The following ASTN2 variants were observed in gnomAD, a reference collection of about 807,000 sequenced individuals.
ASTN2 encodes the protein astrotactin 2, also known as astrotactin-2.
ASTN2 carries 54 observed loss-of-function variants against 139.8 expected under a neutral mutation model. That is an observed-to-expected ratio of 0.39 (90% confidence interval 0.31 to 0.48). The LOEUF is 0.48. Among genes scored for constraint, ASTN2 ranks in the 20% least tolerant of loss-of-function variants. The pLI, the probability that ASTN2 is intolerant of heterozygous loss-of-function variation, is 0.95. For synonymous variants in ASTN2, 756 were observed against 719.5 expected, an observed-to-expected ratio of 1.05 and a Z score of -0.81; for missense variants, 1,565 against 1,725.1, an observed-to-expected ratio of 0.91 and a Z score of 1.64.
At chr9:117,259,768 T>C (rs900552316) in intron 2 of ASTN2, among the ~76,000 whole-genome samples, 1 of 152,184 alleles carries the variant, frequency 6.6e-6, no homozygotes, top group African/African-American at 2.4e-5. Context: ...AAGCAAACTG[T>C]ACCCTGACCA....
chr9:117,045,490 A>T (rs1838707802), intron 5 of ASTN2, among the ~76,000 whole-genome samples: 1 of 151,986 alleles, frequency 6.6e-6, no homozygotes, highest in African/African-American at 2.4e-5. Flanking sequence ...TTTTCCTTCC[A>T]TTTTCCCTCC....
chr9:116,801,679 G>A (rs1830863429), intron 13 of ASTN2, among the ~76,000 whole-genome samples: 1 of 151,730 alleles, frequency 6.6e-6, no homozygotes, highest in African/African-American at 2.4e-5. Flanking sequence ...CATCAGAAGT[G>A]GCTTGCCTTT....
At chr9:116,830,225 G>GAAAA (rs1831765852) in intron 11 of ASTN2, among the ~76,000 whole-genome samples, 1 of 152,002 alleles carries the variant, frequency 6.6e-6, no homozygotes, top group South Asian at 2.1e-4. Flanking sequence ...ACAAACATAT[G>GAAAA]AAAAAATGTT....
chr9:117,348,979 G>A (rs1378576450), intron 1 of ASTN2, among the ~76,000 whole-genome samples: 2 of 152,114 alleles, frequency 1.3e-5, no homozygotes, highest in Non-Finnish European at 2.9e-5. Flanking sequence ...GGAAAAGGTG[G>A]AGGAAAGTCA....
At chr9:117,315,354 C>G (rs1411260576) in intron 1 of ASTN2, among the ~76,000 whole-genome samples, 1 of 152,196 alleles carries the variant, frequency 6.6e-6, no homozygotes, top group Non-Finnish European at 1.5e-5. Context: ...GCACTGCCTG[C>G]GCACTCAGCT....
At chr9:116,573,325 C>T (rs1853598797) in intron 19 of ASTN2, among the ~76,000 whole-genome samples, 1 of 152,092 alleles carries the variant, frequency 6.6e-6, no homozygotes, top group Admixed American at 6.5e-5. Context: ...ACATTACCTC[C>T]CATGAGACAT....
chr9:116,586,875 ATAATGAGATCT>A (rs1171439122), intron 19 of ASTN2, among the ~76,000 whole-genome samples: 5 of 111,004 alleles, frequency 4.5e-5, no homozygotes, highest in East Asian at 5.3e-4. Context: ...TGTATATATA[ATAATGAGATCT>A]TAATGAGATC....
intron 16 of ASTN2, among the ~76,000 whole-genome samples, chr9:116,654,257 T>C (rs1588146140): frequency 6.6e-6 from 1 of 152,222 alleles, no homozygotes; most frequent in Non-Finnish European, 1.5e-5. Context: ...ATTTATTTAT[T>C]GTGAATAGCT....
chr9:116,929,981 A>G (rs568101321), intron 10 of ASTN2, among the ~76,000 whole-genome samples: 1 of 152,196 alleles, frequency 6.6e-6, no homozygotes, highest in Non-Finnish European at 1.5e-5. Flanking sequence ...GTCCCCTGAT[A>G]CTAATGGAGG....
chr9:116,658,083 G>A (rs899539678), intron 16 of ASTN2, among the ~76,000 whole-genome samples: 4 of 151,880 alleles, frequency 2.6e-5, no homozygotes, highest in African/African-American at 7.3e-5. Context: ...ATTTAAGGAA[G>A]TTTGTTTTTT....
At chr9:117,089,432 A>G (rs1587950749) in intron 5 of ASTN2, among the ~76,000 whole-genome samples, 1 of 152,242 alleles carries the variant, frequency 6.6e-6, no homozygotes, top group Non-Finnish European at 1.5e-5. Flanking sequence ...CACTTAAAAC[A>G]ATGATATACT....
Position 117,414,564 on chromosome 9 carries a change from G to A in ASTN2, c.375C>T (p.Asn125=), listed in dbSNP as rs775803956. The A allele has an allele frequency of 3.1e-6, 5 of 1,603,140 alleles. No individual in the cohort carries two copies. The highest frequency in any genetic ancestry group is 1.7e-5 in the Admixed American group (1 of 59,590). Residue 125 remains asparagine (N), a synonymous_variant, in exon 1 of 23, where the codon AAC becomes AAT. Transcript: ENST00000313400. The surrounding 1 kb of genome is among the most constrained non-coding windows in gnomAD (Gnocchi z 4.2). ...GCACCGCGATGCGCCCCGGCAGCTCGTTACGCACAAAGAGCAGGAGGCGCG... is the reference window on the plus strand; with the variant it reads ...GCACCGCGATGCGCCCCGGCAGCTCATTACGCACAAAGAGCAGGAGGCGCG... ...AESRLLLFVR[N]ELPGRIAVQD...
At position 117,171,564 on chromosome 9, in the gene ASTN2, G is replaced by A. The variant is rs968317761; in HGVS notation, c.1016-30086C>T. On this transcript the variant is annotated intron_variant, in intron 3 of 22. Transcript: ENST00000313400. ...ATCATAATCCCCATGTGTCAATGGA[G>A]GGACCTGGTGGGAAGTGACTGGATC... 3.9e-5 allele frequency among the ~76,000 whole-genome samples: 6 copies of A among 152,102 alleles called. No individual in the cohort carries two copies. In the East Asian group the frequency reaches 1.2e-3, roughly 29 times the overall value.
intron 16 of ASTN2, among the ~76,000 whole-genome samples, chr9:116,663,131 G>A: frequency 6.6e-6 from 1 of 150,516 alleles, no homozygotes; most frequent in South Asian, 2.1e-4. Flanking sequence ...CTCAGGCTAG[G>A]GGTCAAAGAG....
chr9:117,110,474 G>A (rs1320802365), intron 4 of ASTN2, among the ~76,000 whole-genome samples: 1 of 152,058 alleles, frequency 6.6e-6, no homozygotes, highest in Non-Finnish European at 1.5e-5. Context: ...AAATAATGTA[G>A]AAAATACTTA....
intron 2 of ASTN2, among the ~76,000 whole-genome samples, chr9:117,276,341 A>G (rs923109835): frequency 2.0e-4 from 31 of 152,304 alleles, no homozygotes; most frequent in Admixed American, 3.9e-4. Flanking sequence ...CCTCTCCCAT[A>G]CTAGGCTGTT....
At chr9:117,151,181 C>A (rs1482308164) in intron 3 of ASTN2, among the ~76,000 whole-genome samples, 1 of 151,744 alleles carries the variant, frequency 6.6e-6, no homozygotes, top group Non-Finnish European at 1.5e-5. Flanking sequence ...GAAAAAAAAA[C>A]AAGTAACAAA....
At chr9:116,970,834 T>A (rs999410090) in intron 10 of ASTN2, among the ~76,000 whole-genome samples, 2 of 152,222 alleles carry the variant, frequency 1.3e-5, no homozygotes, top group Non-Finnish European at 2.9e-5. Context: ...GAAAAATGAC[T>A]GAGGCGCTCC....
intron 13 of ASTN2, among the ~76,000 whole-genome samples, chr9:116,799,860 A>G (rs1830798338): frequency 6.6e-6 from 1 of 152,200 alleles, no homozygotes; most frequent in Non-Finnish European, 1.5e-5. Context: ...CACTGAGACC[A>G]ACACTTAGCA....
Sources: allele counts gnomAD v4.1 joint callset (sites outside exome capture counted in the v4.1 genomes callset), GRCh38; gene constraint gnomAD v4.1.1; non-coding constraint Gnocchi (gnomAD v3.1); transcripts MANE v1.5; gene names NCBI Gene and HGNC (gene_info 2026-07-23, HGNC 2026-07-21).